Variants in EDC3 observed in about 807,000 individuals in gnomAD.
EDC3 encodes the protein enhancer of mRNA decapping 3.
In EDC3, 20 loss-of-function variants were observed where a neutral mutation model predicts 41.8. The ratio of observed to expected loss-of-function variants is 0.48; its 90% CI spans 0.34 to 0.70. The LOEUF (loss-of-function observed/expected upper bound fraction) is 0.70. EDC3 is among the 30% of genes least tolerant of loss of function. The pLI is 0.01. For synonymous variants in EDC3, 206 were observed against 243.2 expected, an observed-to-expected ratio of 0.85 and a Z score of 1.42; for missense variants, 444 against 636.8, an observed-to-expected ratio of 0.70 and a Z score of 3.26.
At chr15:74,670,159 T>G (rs1018643991) in intron 3 of EDC3, among the ~76,000 whole-genome samples, 2 of 151,516 alleles carry the variant, frequency 1.3e-5, no homozygotes, top group Non-Finnish European at 1.5e-5. Context: ...GCACCCAGCC[T>G]CTCACTTAAA....
At chr15:74,647,984 G>C (rs1421928083) in intron 4 of EDC3, among the ~76,000 whole-genome samples, 3 of 152,174 alleles carry the variant, frequency 2.0e-5, no homozygotes, top group Non-Finnish European at 4.4e-5. Context: ...GAATGAAGTT[G>C]GGGAGGGGGT....
intron 3 of EDC3, among the ~76,000 whole-genome samples, chr15:74,657,382 G>A (rs931033358): frequency 2.6e-5 from 4 of 152,226 alleles, no homozygotes; most frequent in Non-Finnish European, 5.9e-5. Flanking sequence ...GTGGGTCTGA[G>A]TGAGTGGAGT....
At chr15:74,660,118 A>T (rs1442344940) in intron 3 of EDC3, among the ~76,000 whole-genome samples, 2 of 151,986 alleles carry the variant, frequency 1.3e-5, no homozygotes, top group Non-Finnish European at 2.9e-5. Flanking sequence ...AGATGGGAGG[A>T]TCACTTGAGC....
At chr15:74,694,611 AT>A (rs1191370168) in intron 1 of EDC3, among the ~76,000 whole-genome samples, 2 of 152,210 alleles carry the variant, frequency 1.3e-5, no homozygotes, top group Non-Finnish European at 2.9e-5. Flanking sequence ...CGGCCTTAAT[AT>A]TTTTCAAACT....
At chr15:74,640,690 C>T in intron 4 of EDC3, 71 bp from the exon 5 acceptor site, 1 of 1,589,730 alleles carries the variant, frequency 6.3e-7, no homozygotes, top group Non-Finnish European at 8.6e-7. Context: ...TATACTCTAT[C>T]CAAGATTCTG....
chr15:74,655,626 A>C lies in EDC3; in HGVS notation c.820+107T>G. 3 of 1,160,766 alleles carry C rather than the reference A, an allele frequency of 2.6e-6. No individual in the cohort carries two copies. In the South Asian group the frequency reaches 4.8e-5, roughly 19 times the overall value. The allele number at this position is 1,160,766 out of a possible 1,614,324, so 71.9% of individuals were successfully genotyped here. On this transcript the variant is annotated intron_variant, in intron 4 of 6. Coordinates refer to ENST00000315127, the MANE Select transcript of EDC3 (RefSeq NM_025083.5). ...ACCGGGCCAGCCACCAAGCCACTTAAATTAATTCCTAGTGTGAGATTCTGA... is the reference window on the plus strand; with the variant it reads ...ACCGGGCCAGCCACCAAGCCACTTACATTAATTCCTAGTGTGAGATTCTGA...
intron 4 of EDC3, among the ~76,000 whole-genome samples, chr15:74,649,596 G>C (rs2062457265): frequency 6.6e-6 from 1 of 152,180 alleles, no homozygotes; most frequent in Non-Finnish European, 1.5e-5. Context: ...ATTCACATTT[G>C]AAGTCAAATA....
intron 4 of EDC3, among the ~76,000 whole-genome samples, chr15:74,651,029 A>T (rs529663796): frequency 3.1e-4 from 47 of 152,266 alleles, no homozygotes; most frequent in Non-Finnish European, 5.9e-4. Flanking sequence ...AAAAAAAATT[A>T]AAAAAAGAAT....
intron 3 of EDC3, among the ~76,000 whole-genome samples, chr15:74,665,986 C>T (rs1356356808): frequency 1.3e-5 from 2 of 151,882 alleles, no homozygotes; most frequent in African/African-American, 4.8e-5. Flanking sequence ...TGTGTACAGA[C>T]GGGGTTTCAC....
chr15:74,653,871 C>G (rs1257762781), intron 4 of EDC3, among the ~76,000 whole-genome samples: 1 of 152,138 alleles, frequency 6.6e-6, no homozygotes, highest in Non-Finnish European at 1.5e-5. Flanking sequence ...TCTGTTAGTT[C>G]TGAGAATTCT....
chr15:74,689,071 T>C (rs2062972022), intron 1 of EDC3, among the ~76,000 whole-genome samples: 2 of 152,202 alleles, frequency 1.3e-5, no homozygotes, highest in South Asian at 2.1e-4. Context: ...TTCTGACTTA[T>C]TACAAATAAT....
At chr15:74,670,059 T>C (rs2062722614) in intron 3 of EDC3, among the ~76,000 whole-genome samples, 1 of 143,632 alleles carries the variant, frequency 7.0e-6, no homozygotes, top group African/African-American at 2.7e-5. Flanking sequence ...GGTTTTGCCA[T>C]GTTGCTCAGG....
At position 74,632,641 on chromosome 15, in the gene EDC3, T is replaced by TG; in HGVS notation, c.1497dup (p.Lys500GlnfsTer40). ...GCAGAGTGCAGTGGGATAACAAACTTGCAGCCAAAGGGCGAGTGGTAGTTG... is the reference window on the plus strand; with the variant it reads ...GCAGAGTGCAGTGGGATAACAAACTTGGCAGCCAAAGGGCGAGTGGTAGTTG... On this transcript the variant is annotated frameshift_variant, in exon 7 of 7. Coordinates refer to ENST00000315127, the MANE Select transcript of EDC3 (RefSeq NM_025083.5). LOFTEE classifies it high-confidence loss of function. This position sits in a 1 kb window ranked among gnomAD's most constrained non-coding sequence, Gnocchi z 4.0. The TG allele has an allele frequency of 6.2e-7, 1 of 1,614,012 alleles. No homozygotes were observed. The highest frequency in any genetic ancestry group is 8.5e-7 in the Non-Finnish European group (1 of 1,180,038).
chr15:74,654,552 G>A (rs574259646), intron 4 of EDC3, among the ~76,000 whole-genome samples: 1 of 152,232 alleles, frequency 6.6e-6, no homozygotes, highest in African/African-American at 2.4e-5. Context: ...GTTAAAAATC[G>A]AAGGACTTCG....
chr15:74,632,467 G>C lies in EDC3; in HGVS notation c.*145C>G. 9.8e-7 allele frequency: 1 copy of C among 1,018,658 alleles called. No homozygotes were observed. Among genetic ancestry groups the C allele is most frequent in the Non-Finnish European group, 1.4e-6 (1 of 712,430 alleles). The allele number at this position is 1,018,658 out of a possible 1,614,324, so 63.1% of individuals were successfully genotyped here. A position where few individuals can be genotyped will look rare whatever the true frequency, so the allele number is the denominator to read the frequency against. On this transcript the variant is annotated 3_prime_UTR_variant, in exon 7 of 7. Coordinates refer to ENST00000315127, the MANE Select transcript of EDC3 (RefSeq NM_025083.5). This position sits in a 1 kb window ranked among gnomAD's most constrained non-coding sequence, Gnocchi z 4.0. Reference sequence around the variant, plus strand: ...CTGGCTAAGAGCAAGTGACAGGTCAGTTTTAAGTAAGTTCTGTTCTCTCAC... The same window carrying C: ...CTGGCTAAGAGCAAGTGACAGGTCACTTTTAAGTAAGTTCTGTTCTCTCAC...
chr15:74,690,818 C>A (rs1241921629), intron 1 of EDC3, among the ~76,000 whole-genome samples: 1 of 151,974 alleles, frequency 6.6e-6, no homozygotes, highest in Non-Finnish European at 1.5e-5. Context: ...CCAGCACAAT[C>A]CCCTATCTAA....
At chr15:74,673,563 A>C (rs2062765119) in intron 2 of EDC3, among the ~76,000 whole-genome samples, 1 of 151,628 alleles carries the variant, frequency 6.6e-6, no homozygotes, top group Non-Finnish European at 1.5e-5. Flanking sequence ...TGGCTGGGGC[A>C]TGGTGGCTCA....
intron 1 of EDC3, among the ~76,000 whole-genome samples, chr15:74,682,617 C>CA (rs61528385): frequency 0.072 from 4,259 of 59,280 alleles, 127 homozygotes; most frequent in East Asian, 0.12. Context: ...GACTCCATCT[C>CA]AAAAAAAAAA....
At chr15:74,649,577 CCT>C (rs1301078697) in intron 4 of EDC3, among the ~76,000 whole-genome samples, 1 of 152,100 alleles carries the variant, frequency 6.6e-6, no homozygotes, top group Admixed American at 6.6e-5. Context: ...ACTGAGGTGG[CCT>C]TTGCAAATTC....
Sources: allele counts gnomAD v4.1 joint callset (sites outside exome capture counted in the v4.1 genomes callset), GRCh38; gene constraint gnomAD v4.1.1; non-coding constraint Gnocchi (gnomAD v3.1); transcripts MANE v1.5; gene names NCBI Gene and HGNC (gene_info 2026-07-23, HGNC 2026-07-21).